Variants in STARD13 observed in about 807,000 individuals in gnomAD.
STARD13 encodes StAR related lipid transfer domain containing 13, also known as stAR-related lipid transfer protein 13.
STARD13 carries 62 observed loss-of-function variants against 106.4 expected under a neutral mutation model. The observed-to-expected ratio is 0.58, with a 90% CI of 0.48 to 0.72. STARD13 has a LOEUF of 0.72. Ranked by LOEUF, STARD13 falls within the 30% of genes least tolerant of loss-of-function variation. STARD13 has a pLI of 0.00. For synonymous variants in STARD13, 565 were observed against 553.0 expected (o/e 1.02, Z -0.31); for missense variants, 1,387 against 1,424.0 (o/e 0.97, Z 0.42).
chr13:33,496,797 G>C, the STARD13 span, among the ~76,000 whole-genome samples: 1 of 151,966 alleles, frequency 6.6e-6, no homozygotes, highest in Non-Finnish European at 1.5e-5. Context: ...AGAAATGTAT[G>C]CCATTTTGTC....
At chr13:33,497,518 A>G in the STARD13 span, among the ~76,000 whole-genome samples, 1 of 152,160 alleles carries the variant, frequency 6.6e-6, no homozygotes, top group Admixed American at 6.6e-5. Flanking sequence ...TTAGTTCTAA[A>G]TCACAGCTAA....
At chr13:33,428,422 C>T in the STARD13 span, among the ~76,000 whole-genome samples, 2 of 151,772 alleles carry the variant, frequency 1.3e-5, no homozygotes, top group African/African-American at 2.4e-5. Context: ...ACTATGCATC[C>T]GAAAAGACGT....
the STARD13 span, among the ~76,000 whole-genome samples, chr13:33,548,297 C>T: frequency 1.3e-5 from 2 of 152,092 alleles, no homozygotes; most frequent in African/African-American, 2.4e-5. Flanking sequence ...TGACCAAGTT[C>T]CTCTTCAGTC....
At chr13:33,402,034 A>G in the STARD13 span, among the ~76,000 whole-genome samples, 1 of 152,252 alleles carries the variant, frequency 6.6e-6, no homozygotes, top group Non-Finnish European at 1.5e-5. Flanking sequence ...CTGCCAAATG[A>G]CAGGCCCTTT....
chr13:33,133,473 C>T (rs754710741), intron 4 of STARD13, among the ~76,000 whole-genome samples: 4 of 151,884 alleles, frequency 2.6e-5, no homozygotes, highest in African/African-American at 2.4e-5. Context: ...AGAAAAAAAA[C>T]GACCAGTCTT....
the STARD13 span, among the ~76,000 whole-genome samples, chr13:33,363,070 G>T: frequency 3.3e-5 from 5 of 152,086 alleles, no homozygotes; most frequent in South Asian, 1.0e-3. Flanking sequence ...CTACTCCCAG[G>T]GACACACGCT....
At chr13:33,309,438 C>G (rs908690239) in intron 1 of STARD13, among the ~76,000 whole-genome samples, 2 of 152,110 alleles carry the variant, frequency 1.3e-5, no homozygotes, top group African/African-American at 4.8e-5. Context: ...CAAGGAGACA[C>G]CTGACCAACT....
chr13:33,422,919 C>T, the STARD13 span, among the ~76,000 whole-genome samples: 1 of 152,156 alleles, frequency 6.6e-6, no homozygotes, highest in East Asian at 1.9e-4. Context: ...TGGATCCCTT[C>T]CTTACACTTT....
the STARD13 span, among the ~76,000 whole-genome samples, chr13:33,565,695 G>A: frequency 6.1e-5 from 9 of 147,648 alleles, no homozygotes; most frequent in Admixed American, 1.4e-4. Context: ...TGCCCAGGAC[G>A]CTGCCTCCAA....
rs1877980906 is a variant in STARD13 at position 33,129,870 on chromosome 13, C to T, written c.807G>A (p.Lys269=). ...ACCCCTTATGCCTCCCGTGGGCTCC[C>T]TTCCCTCGGAGTGTTTCCATGCGTT... is the stretch of plus-strand genomic sequence containing the variant. ...FLKRMETLRG[K]GAHGRHKGSG... is the part of the protein sequence containing the mutation. Residue 269 remains lysine (K), a synonymous_variant, in exon 5 of 14, where the codon AAG becomes AAA. Coordinates refer to ENST00000336934, the MANE Select transcript of STARD13 (RefSeq NM_178006.4). 6.2e-7 allele frequency: 1 copy of T among 1,612,954 alleles called. No individual in the cohort carries two copies. The highest frequency in any genetic ancestry group is 8.5e-7 in the Non-Finnish European group (1 of 1,180,042).
upstream of STARD13, among the ~76,000 whole-genome samples, chr13:33,353,197 A>G (rs916190747): frequency 3.9e-5 from 6 of 152,188 alleles, no homozygotes; most frequent in African/African-American, 1.2e-4. Context: ...AAATAACAGC[A>G]GCCATCCTAA....
At chr13:33,540,235 T>C in the STARD13 span, among the ~76,000 whole-genome samples, 1 of 152,240 alleles carries the variant, frequency 6.6e-6, no homozygotes, top group African/African-American at 2.4e-5. Context: ...AGAAGACTGA[T>C]TCTTACCAAC....
At chr13:33,626,214 G>T in the STARD13 span, among the ~76,000 whole-genome samples, 1 of 152,152 alleles carries the variant, frequency 6.6e-6, no homozygotes, top group Admixed American at 6.6e-5. Flanking sequence ...AAAGACAGGA[G>T]GAGAAAGGGA....
the STARD13 span, among the ~76,000 whole-genome samples, chr13:33,388,854 C>A: frequency 6.6e-6 from 1 of 152,050 alleles, no homozygotes; most frequent in African/African-American, 2.4e-5. Context: ...AGTGTTGCTG[C>A]CGGTGCCTTG....
At chr13:33,594,452 G>T in the STARD13 span, among the ~76,000 whole-genome samples, 4 of 152,088 alleles carry the variant, frequency 2.6e-5, no homozygotes, top group Non-Finnish European at 5.9e-5. Context: ...TTTGAAGTTT[G>T]TTAGACCTTA....
chr13:33,443,093 G>A, the STARD13 span, among the ~76,000 whole-genome samples: 1 of 151,976 alleles, frequency 6.6e-6, no homozygotes, highest in South Asian at 2.1e-4. Flanking sequence ...AAATGGTTAG[G>A]ATGGGCTGGG....
chr13:33,674,635 G>A, the STARD13 span, among the ~76,000 whole-genome samples: 2 of 152,184 alleles, frequency 1.3e-5, no homozygotes, highest in African/African-American at 4.8e-5. Flanking sequence ...GCAGCCACGA[G>A]GGAAAGACCC....
At chr13:33,464,618 G>GC in the STARD13 span, among the ~76,000 whole-genome samples, 5 of 151,806 alleles carry the variant, frequency 3.3e-5, no homozygotes, top group Non-Finnish European at 7.4e-5. Context: ...AGGAGGCCGA[G>GC]GGGGGCAGAT....
At chr13:33,606,815 G>T in the STARD13 span, among the ~76,000 whole-genome samples, 15 of 152,336 alleles carry the variant, frequency 9.8e-5, no homozygotes, top group South Asian at 1.0e-3. Flanking sequence ...CCTTTCTGGA[G>T]GCTCCGGGGA....
Sources: gnomAD v4.1 joint callset for allele counts (sites outside exome capture counted in the v4.1 genomes callset) on GRCh38, gnomAD v4.1.1 for gene constraint, MANE v1.5 for transcripts, NCBI Gene and HGNC (gene_info 2026-07-23, HGNC 2026-07-21) for gene names.